GBF1: variants seen among roughly 807,000 people sequenced by gnomAD.
GBF1 encodes the protein golgi brefeldin A resistant guanine nucleotide exchange factor 1, also known as Golgi-specific brefeldin A-resistance guanine nucleotide exchange factor 1.
GBF1 carries 114 observed loss-of-function variants against 210.5 expected under a neutral mutation model. That is an observed-to-expected ratio of 0.54 (90% CI 0.47 to 0.63). The LOEUF (loss-of-function observed/expected upper bound fraction) is 0.63, where lower values mean the gene tolerates loss of function less well. Among genes scored for constraint, GBF1 ranks in the 30% least tolerant of loss-of-function variants. The pLI is 0.00. For synonymous variants in GBF1, 850 were observed against 889.2 expected (o/e 0.96, Z 0.78); for missense variants, 1,851 against 2,357.7 (o/e 0.79, Z 4.45).
At chr10:102,279,982 G>A (rs2075332341) in intron 3 of GBF1, among the ~76,000 whole-genome samples, 1 of 152,014 alleles carries the variant, frequency 6.6e-6, no homozygotes, top group African/African-American at 2.4e-5. Flanking sequence ...TAATTAGCCA[G>A]GCATGGTGGC....
intron 3 of GBF1, among the ~76,000 whole-genome samples, chr10:102,294,208 A>C (rs2133720743): frequency 6.6e-6 from 1 of 152,232 alleles, no homozygotes; most frequent in Admixed American, 6.5e-5. Context: ...TTAAAAATAA[A>C]TTTAATGTAG....
At chr10:102,289,775 C>G (rs750194619) in intron 3 of GBF1, among the ~76,000 whole-genome samples, 2 of 152,092 alleles carry the variant, frequency 1.3e-5, no homozygotes, top group Non-Finnish European at 2.9e-5. Context: ...ATAAAAGTAA[C>G]AAAGCAGGCA....
At chr10:102,335,095 G>A (rs2057634145) in intron 3 of GBF1, among the ~76,000 whole-genome samples, 1 of 151,976 alleles carries the variant, frequency 6.6e-6, no homozygotes, top group Non-Finnish European at 1.5e-5. Flanking sequence ...AGTGACTCAT[G>A]AGCCTCTCCA....
chr10:102,244,286 A>G (rs185971101), upstream of GBF1, among the ~76,000 whole-genome samples: 1 of 152,056 alleles, frequency 6.6e-6, no homozygotes, highest in African/African-American at 2.4e-5. Flanking sequence ...AATTGGGAGG[A>G]TGTATGGAAA....
intron 26 of GBF1, 87 bp from the exon 27 acceptor site, chr10:102,370,087 G>T: frequency 6.5e-7 from 1 of 1,527,940 alleles, no homozygotes; most frequent in South Asian, 1.1e-5. Context: ...AACCAGGGCT[G>T]ACTCTGCCCT....
At chr10:102,350,464 A>G (rs2058879908) in intron 4 of GBF1, among the ~76,000 whole-genome samples, 1 of 152,148 alleles carries the variant, frequency 6.6e-6, no homozygotes, top group Non-Finnish European at 1.5e-5. Flanking sequence ...GCGCCTGAAC[A>G]CAAAACTCCA....
chr10:102,357,904 G>A lies in GBF1; in HGVS notation c.640-135G>A. On this transcript the variant is annotated intron_variant, in intron 8 of 39. Transcript: ENST00000369983. The stretch of plus-strand genomic sequence containing the variant: ...TAGAAGAGTAGGAATGTGAACTGAT[G>A]GTCTAGAGTCTTACTTTAGCAAAGA... The A allele has an allele frequency of 5.9e-6, 4 of 679,578 alleles. No individual in the cohort carries two copies. The Admixed American group carries it at 7.1e-5, about 12-fold the overall frequency. 42.1% of individuals were successfully genotyped at this position (679,578 alleles called of 1,614,324 possible). A position where few individuals can be genotyped will look rare whatever the true frequency, so the allele number is the denominator to read the frequency against.
At position 102,273,667 on chromosome 10, in the gene GBF1, C is replaced by T. The variant is rs528821800; in HGVS notation, c.163+13551C>T. 2.0e-5 allele frequency among the ~76,000 whole-genome samples: 3 copies of T among 152,298 alleles called. No individual in the cohort carries two copies. In the South Asian group the frequency reaches 6.2e-4, roughly 32 times the overall value. On this transcript the variant is annotated intron_variant, in intron 3 of 39. Transcript: ENST00000369983. ...AGGACTCTGTGAGGCACCTTAGCCC[C>T]CTTGACTTTTGGGAATGAGTGGATT... is the stretch of plus-strand genomic sequence containing the variant.
At position 102,365,594 on chromosome 10, in the gene GBF1, T is replaced by C. The variant is rs970494231; in HGVS notation, c.2304T>C (p.Phe768=). The change falls in exon 18 of 40, where the codon TTT becomes TTC. Residue 768 remains phenylalanine (F), a synonymous_variant. Transcript: ENST00000369983. ...DRKNIDLLES[F]VSTFSFQGLR... is the part of the protein sequence containing the mutation. ...AAAACATTGACCTGTTGGAGAGCTTTGTGAGGTGAGGAAGCTGTAAGAAAT... is the reference window on the plus strand; with the variant it reads ...AAAACATTGACCTGTTGGAGAGCTTCGTGAGGTGAGGAAGCTGTAAGAAAT... 5.0e-6 allele frequency: 8 copies of C among 1,613,364 alleles called. No homozygotes were observed. Among genetic ancestry groups the C allele is most frequent in the African/African-American group, 1.3e-5 (1 of 74,840 alleles).
intron 3 of GBF1, among the ~76,000 whole-genome samples, chr10:102,322,832 G>A (rs1054563492): frequency 6.6e-6 from 1 of 151,468 alleles, no homozygotes; most frequent in African/African-American, 2.4e-5. Context: ...AGCAAGAATC[G>A]CTTGAACCCA....
Position 102,375,445 on chromosome 10 carries a change from ACTC to A in GBF1, c.3750_3752del (p.Leu1251del). 1 of 1,612,942 alleles carries A rather than the reference ACTC, an allele frequency of 6.2e-7. No individual in the cohort carries two copies. The highest frequency in any genetic ancestry group is 8.5e-7 in the Non-Finnish European group (1 of 1,179,080). ...ACCAGGTTGCGTATGGGCTCCATGA[ACTC>A]CTGAAGACCAATGCAGCCAACATCC... On this transcript the variant is annotated inframe_deletion, in exon 30 of 40. Coordinates refer to ENST00000369983, the MANE Select transcript of GBF1 (RefSeq NM_001377137.1).
chr10:102,344,215 C>T, intron 4 of GBF1, 33 bp downstream of exon 4: 9 of 1,609,300 alleles, frequency 5.6e-6, no homozygotes, highest in Non-Finnish European at 7.6e-6. Context: ...ATGACCACAG[C>T]ACTTCATTTC....
chr10:102,376,476 C>G, intron 31 of GBF1, 44 bp downstream of exon 31: 1 of 1,612,072 alleles, frequency 6.2e-7, no homozygotes, highest in South Asian at 1.1e-5. Context: ...CCTGCTTGAC[C>G]TGTGGGAAGA....
chr10:102,327,100 C>T (rs542275584), intron 3 of GBF1, among the ~76,000 whole-genome samples: 18 of 152,274 alleles, frequency 1.2e-4, no homozygotes, highest in African/African-American at 4.1e-4. Flanking sequence ...TTAGATGAGC[C>T]GAATTCTCCT....
At chr10:102,254,382 A>G (rs941314962) in intron 1 of GBF1, among the ~76,000 whole-genome samples, 2 of 152,242 alleles carry the variant, frequency 1.3e-5, no homozygotes, top group African/African-American at 4.8e-5. Context: ...AAAAAATCAA[A>G]AAGAAAATAT....
intron 3 of GBF1, among the ~76,000 whole-genome samples, chr10:102,321,564 T>A (rs1199402378): frequency 2.0e-5 from 3 of 152,168 alleles, no homozygotes. Context: ...TTCCTGAAAT[T>A]AGTTTTTTGT....
At chr10:102,370,951 C>A in intron 29 of GBF1, 91 bp downstream of exon 29, 1 of 1,221,326 alleles carries the variant, frequency 8.2e-7, no homozygotes, top group Non-Finnish European at 1.2e-6. Context: ...ACAGAGAGTA[C>A]ATTTAGTGCC....
chr10:102,359,278 C>T lies in GBF1; in HGVS notation c.1023C>T (p.Thr341=), dbSNP rs1048967000. The T allele has an allele frequency of 6.2e-7, 1 of 1,610,938 alleles. No homozygotes were observed. Among genetic ancestry groups the T allele is most frequent in the Non-Finnish European group, 8.5e-7 (1 of 1,177,124 alleles). The change falls in exon 11 of 40, where the codon ACC becomes ACT. Residue 341 remains threonine (T), a synonymous_variant. Transcript: ENST00000369983. ...PEQPDLQQEG[T]HVEKSQSASV... is the part of the protein sequence containing the mutation. ...GCTACTGGTCATAGCAGGAAGGGAC[C>T]CATGTGGAAAAGTCCCAGTCAGCAT...
At chr10:102,289,394 G>A (rs899995212) in intron 3 of GBF1, among the ~76,000 whole-genome samples, 1 of 152,176 alleles carries the variant, frequency 6.6e-6, no homozygotes, top group Non-Finnish European at 1.5e-5. Context: ...GAGAACAGGG[G>A]TGAGGTTGTT....
Sources: allele counts gnomAD v4.1 joint callset (sites outside exome capture counted in the v4.1 genomes callset), GRCh38; gene constraint gnomAD v4.1.1; transcripts MANE v1.5; gene names NCBI Gene and HGNC (gene_info 2026-07-23, HGNC 2026-07-21).